Variants in SPATA13 observed in about 807,000 individuals in gnomAD.
The protein encoded by SPATA13 is spermatogenesis associated 13.
Under a neutral mutation model 104.0 loss-of-function variants are expected in SPATA13, and 50 were observed. The observed-to-expected ratio is 0.48, with a 90% CI of 0.38 to 0.61. The LOEUF is 0.61. Among genes scored for constraint, SPATA13 ranks in the 20% least tolerant of loss-of-function variants. The pLI, the probability that SPATA13 is intolerant of heterozygous loss-of-function variation, is 0.00. For synonymous variants in SPATA13, 606 were observed against 667.5 expected (o/e 0.91, Z 1.42); for missense variants, 1,524 against 1,690.6 (o/e 0.90, Z 1.73).
At chr13:24,248,771 T>G (rs1288778928) in intron 2 of SPATA13, among the ~76,000 whole-genome samples, 1 of 152,184 alleles carries the variant, frequency 6.6e-6, no homozygotes, top group East Asian at 1.9e-4. Flanking sequence ...AAGAAGTGGG[T>G]AGAACAGCAG....
chr13:24,245,130 G>A (rs1450677848), intron 2 of SPATA13, among the ~76,000 whole-genome samples: 6 of 152,150 alleles, frequency 3.9e-5, no homozygotes, highest in African/African-American at 1.2e-4. Context: ...CGTGGGCCCC[G>A]GCAGCCCACG....
intron 3 of SPATA13, among the ~76,000 whole-genome samples, chr13:24,128,776 G>A (rs564326222): frequency 2.5e-4 from 37 of 150,646 alleles, no homozygotes; most frequent in African/African-American, 8.3e-4. Context: ...TAAAAAATAC[G>A]TACCTAAGGT....
rs760790234 is a variant in SPATA13, at chr13:24,300,452, A to G, written c.3635A>G (p.Lys1212Arg). The change falls in exon 12 of 13, where the codon AAG becomes AGG. Residue 1212 changes from lysine to arginine, a missense_variant. Coordinates refer to ENST00000382108, the MANE Select transcript of SPATA13 (RefSeq NM_001166271.3). ...QKKLAMLNAQ[K>R]AGHGKSKGYN... ...AAACTTGCCATGTTAAATGCTCAAA[A>G]GGCAGGACATGGAAAGTCAAAAGGT... is the stretch of plus-strand genomic sequence containing the variant. The G allele has an allele frequency of 7.4e-6, 12 of 1,614,206 alleles. No homozygotes were observed. In the African/African-American group the frequency reaches 1.3e-4, roughly 18 times the overall value.
chr13:24,238,132 CTTTTT>C (rs66810619), intron 2 of SPATA13, among the ~76,000 whole-genome samples: 1 of 77,154 alleles, frequency 1.3e-5, no homozygotes, highest in African/African-American at 5.0e-5. Flanking sequence ...TTCTTCTTGA[CTTTTT>C]TTTTTTTTTT....
chr13:24,242,049 CA>C (rs113767563), intron 2 of SPATA13, among the ~76,000 whole-genome samples: 28 of 132,262 alleles, frequency 2.1e-4, no homozygotes, highest in South Asian at 1.5e-3. Flanking sequence ...GAGACTGTCT[CA>C]AAAAAAAAAA....
At chr13:24,215,995 G>A (rs1282143730) in intron 1 of SPATA13, among the ~76,000 whole-genome samples, 1 of 152,194 alleles carries the variant, frequency 6.6e-6, no homozygotes, top group African/African-American at 2.4e-5. Context: ...CCAGAAAGGT[G>A]GTGGACAGGC....
At position 24,302,632 on chromosome 13, in the gene SPATA13, G is replaced by A. The variant is rs753245659; in HGVS notation, c.3693G>A (p.Gln1231=). 1 of 1,613,110 alleles carries A rather than the reference G, an allele frequency of 6.2e-7. No homozygotes were observed. Among genetic ancestry groups the A allele is most frequent in the Non-Finnish European group, 8.5e-7 (1 of 1,179,456 alleles). Residue 1231 remains glutamine (Q), a synonymous_variant, in exon 13 of 13, where the codon CAG becomes CAA. Transcript: ENST00000382108. ...GGTGCCCTGTGGCCCCACCGCACCA[G>A]GGCCTGCACCCCATCCACCAGCGCC... ...YNRCPVAPPH[Q]GLHPIHQRHI...
At chr13:24,251,662 T>C in intron 3 of SPATA13, 56 bp from the exon 4 acceptor site, 2 of 1,601,194 alleles carry the variant, frequency 1.2e-6, no homozygotes, top group East Asian at 4.5e-5. Context: ...TGTGAGGTGC[T>C]TGCAAGAGCT....
At chr13:24,093,855 C>T (rs889408383) in intron 3 of SPATA13, among the ~76,000 whole-genome samples, 1 of 152,102 alleles carries the variant, frequency 6.6e-6, no homozygotes, top group Non-Finnish European at 1.5e-5. Flanking sequence ...TAAGAATCAT[C>T]TTGGATGCTT....
chr13:24,296,015 T>G (rs1416924929), intron 10 of SPATA13, among the ~76,000 whole-genome samples: 1 of 152,150 alleles, frequency 6.6e-6, no homozygotes, highest in Admixed American at 6.6e-5. Flanking sequence ...CAGATGCCAT[T>G]CAGATTGTTT....
chr13:24,181,917 C>G (rs1389515846), intron 1 of SPATA13, among the ~76,000 whole-genome samples: 2 of 152,116 alleles, frequency 1.3e-5, no homozygotes, highest in African/African-American at 4.8e-5. Context: ...GAGTTCGAGA[C>G]CAGCCTGGTC....
intron 2 of SPATA13, among the ~76,000 whole-genome samples, chr13:24,226,226 T>A (rs762659533): frequency 6.6e-6 from 1 of 152,242 alleles, no homozygotes; most frequent in African/African-American, 2.4e-5. Context: ...GGCTTCAGGC[T>A]GTCCCTGGCT....
At chr13:24,204,847 C>T (rs1870616220) in intron 1 of SPATA13, among the ~76,000 whole-genome samples, 3 of 152,146 alleles carry the variant, frequency 2.0e-5, no homozygotes, top group African/African-American at 7.2e-5. Context: ...ATCCATTTAT[C>T]AATCAGTGAA....
chr13:24,153,069 A>T (rs1317738965), intron 3 of SPATA13, among the ~76,000 whole-genome samples: 1 of 152,144 alleles, frequency 6.6e-6, no homozygotes, highest in Admixed American at 6.5e-5. Flanking sequence ...GCTCATGTCT[A>T]CTTAGGACCT....
chr13:24,036,214 C>G (rs1226572902), intron 3 of SPATA13, among the ~76,000 whole-genome samples: 1 of 151,972 alleles, frequency 6.6e-6, no homozygotes, highest in Admixed American at 6.5e-5. Flanking sequence ...CTATATTTTC[C>G]AAAGCCCCAA....
At chr13:24,021,777 T>C (rs929762480) in intron 3 of SPATA13, among the ~76,000 whole-genome samples, 2 of 151,726 alleles carry the variant, frequency 1.3e-5, no homozygotes, top group African/African-American at 4.8e-5. Context: ...AGCGGCATGA[T>C]CTTGGCTCAC....
intron 1 of SPATA13, among the ~76,000 whole-genome samples, chr13:24,177,369 G>C (rs1168843370): frequency 2.0e-5 from 3 of 152,216 alleles, no homozygotes; most frequent in Non-Finnish European, 4.4e-5. Flanking sequence ...CTAAGACAGA[G>C]GTGCCAGCAA....
chr13:24,222,675 A>G (rs1014303514), intron 1 of SPATA13, 144 bp from the exon 2 acceptor site: 5 of 638,166 alleles, frequency 7.8e-6, no homozygotes, highest in Non-Finnish European at 1.3e-5. Flanking sequence ...TATGAAGTGA[A>G]TGGAGGGGAA....
chr13:24,245,189 G>A (rs1299296424), intron 2 of SPATA13, among the ~76,000 whole-genome samples: 1 of 152,090 alleles, frequency 6.6e-6, no homozygotes, highest in Non-Finnish European at 1.5e-5. Context: ...TGTTTGATGG[G>A]ACATGTGTGT....
Sources: allele counts gnomAD v4.1 joint callset (sites outside exome capture counted in the v4.1 genomes callset), GRCh38; gene constraint gnomAD v4.1.1; transcripts MANE v1.5; gene names NCBI Gene and HGNC (gene_info 2026-07-23, HGNC 2026-07-21).